ZBTB1: variants seen among roughly 807,000 people sequenced by gnomAD.
The protein encoded by ZBTB1 is zinc finger and BTB domain-containing protein 1.
A neutral mutation model predicts 51.6 loss-of-function variants in ZBTB1; 13 were observed. The observed-to-expected ratio is 0.25, with a 90% CI of 0.16 to 0.40. The LOEUF (loss-of-function observed/expected upper bound fraction) is 0.40. ZBTB1 is among the 10% of genes least tolerant of loss of function. The pLI is 1.00. For missense variants in ZBTB1, 567 were observed against 856.5 expected, an observed-to-expected ratio of 0.66 and a Z score of 4.22; for synonymous variants, 240 against 282.2, an observed-to-expected ratio of 0.85 and a Z score of 1.50.
chr14:64,515,903 A>T (rs1400838337), intron 1 of ZBTB1, among the ~76,000 whole-genome samples: 2 of 151,856 alleles, frequency 1.3e-5, no homozygotes, highest in Non-Finnish European at 1.5e-5. Context: ...CCTGCCGCAT[A>T]CTCCTCTACC....
chr14:64,526,876 T>TA (rs202096669), downstream of ZBTB1, among the ~76,000 whole-genome samples: 529 of 149,278 alleles, frequency 3.5e-3, 2 homozygotes, highest in African/African-American at 0.012. Context: ...ACCCTATCTC[T>TA]AAAAAAAAAA....
chr14:64,532,800 T>A (rs1161815397), exon 3 of ZBTB1: 2 of 144,670 alleles, frequency 1.4e-5, no homozygotes, highest in Non-Finnish European at 3.1e-5. Context: ...AAATCTTTAA[T>A]GGAGAAGTTA....
chr14:64,517,276 A>T (rs1191279951), intron 1 of ZBTB1, among the ~76,000 whole-genome samples: 1 of 152,208 alleles, frequency 6.6e-6, no homozygotes, highest in African/African-American at 2.4e-5. Flanking sequence ...CTTAGGGTCA[A>T]TGAGGATAAG....
At chr14:64,527,067 C>T (rs1297583114), downstream of ZBTB1, among the ~76,000 whole-genome samples, 1 of 151,078 alleles carries the variant, frequency 6.6e-6, no homozygotes, top group Non-Finnish European at 1.5e-5. Context: ...AGAAATGACG[C>T]ACATGGGTTA....
At chr14:64,510,139 G>A (rs1044495888) in intron 1 of ZBTB1, among the ~76,000 whole-genome samples, 1 of 152,092 alleles carries the variant, frequency 6.6e-6, no homozygotes, top group Non-Finnish European at 1.5e-5. Flanking sequence ...CCTTAAAGTT[G>A]CTCACAATCT....
chr14:64,531,398 C>T (rs7152440), intron 2 of ZBTB1, among the ~76,000 whole-genome samples: 69,888 of 151,568 alleles, frequency 0.46, 16,733 homozygotes, highest in East Asian at 0.65. Context: ...TGTGTGTGTG[C>T]GTGTATGCTT....
At chr14:64,513,848 C>CA (rs1484075789) in intron 1 of ZBTB1, among the ~76,000 whole-genome samples, 1 of 152,102 alleles carries the variant, frequency 6.6e-6, no homozygotes, top group African/African-American at 2.4e-5. Flanking sequence ...TTTGTAGAGA[C>CA]AGAGTTTCAC....
intron 1 of ZBTB1, among the ~76,000 whole-genome samples, chr14:64,517,770 TATATATATATA>T (rs1293109858): frequency 1.8e-3 from 133 of 73,418 alleles, no homozygotes; most frequent in African/African-American, 7.5e-3. Flanking sequence ...TATATATATA[TATATATATATA>T]TTTTTTTTTT....
At chr14:64,518,070 C>T (rs1009805637) in intron 1 of ZBTB1, among the ~76,000 whole-genome samples, 1 of 152,046 alleles carries the variant, frequency 6.6e-6, no homozygotes, top group Non-Finnish European at 1.5e-5. Context: ...CTCCTGACCT[C>T]AGGTAATCCG....
At chr14:64,511,917 G>C (rs1218256679) in intron 1 of ZBTB1, among the ~76,000 whole-genome samples, 1 of 152,196 alleles carries the variant, frequency 6.6e-6, no homozygotes, top group Non-Finnish European at 1.5e-5. Context: ...AGTTAGAGTA[G>C]TATGAAGAGC....
At chr14:64,525,826 T>C (rs1566637581), downstream of ZBTB1, among the ~76,000 whole-genome samples, 1 of 152,178 alleles carries the variant, frequency 6.6e-6, no homozygotes, top group Non-Finnish European at 1.5e-5. Flanking sequence ...TTTTATTTAT[T>C]TATTTTTCTT....
chr14:64,527,393 G>A (rs991138232), downstream of ZBTB1, among the ~76,000 whole-genome samples: 8 of 151,890 alleles, frequency 5.3e-5, no homozygotes, highest in African/African-American at 9.7e-5. Flanking sequence ...GGTGGATTGC[G>A]AGGTCAGGAG....
At chr14:64,521,337 A>T in intron 1 of ZBTB1, 150 bp from the exon 2 acceptor site, 1 of 572,952 alleles carries the variant, frequency 1.7e-6, no homozygotes, top group Non-Finnish European at 2.9e-6. Flanking sequence ...AAAATGATTC[A>T]AGTATATATT....
intron 1 of ZBTB1, 35 bp from the exon 2 acceptor site, chr14:64,521,452 A>G: frequency 1.3e-6 from 2 of 1,496,620 alleles, no homozygotes; most frequent in Non-Finnish European, 1.8e-6. Context: ...GCTTTTCTAT[A>G]TCTTGTTTGA....
intron 1 of ZBTB1, among the ~76,000 whole-genome samples, chr14:64,507,546 C>G (rs192414631): frequency 1.3e-5 from 2 of 152,282 alleles, no homozygotes; most frequent in Admixed American, 1.3e-4. Context: ...GCTGTGTGTG[C>G]CTCACTCTGC....
Position 64,524,829 on chromosome 14 carries a change from T to C in ZBTB1, c.*1183T>C, listed in dbSNP as rs879830556. On this transcript the variant is annotated 3_prime_UTR_variant, in exon 2 of 2. Coordinates refer to ENST00000683701, the MANE Select transcript of ZBTB1 (RefSeq NM_001123329.2). The stretch of plus-strand genomic sequence containing the variant: ...ACAGAGTATATCAATGGAAACAGTT[T>C]ATCATTTTTTCAGTTAAAGTAGTAG... 2 of 983,344 alleles carry C rather than the reference T, an allele frequency of 2.0e-6. No individual in the cohort carries two copies. Among genetic ancestry groups the C allele is most frequent in the South Asian group, 9.4e-5 (2 of 21,250 alleles). 60.9% of individuals were successfully genotyped at this position (983,344 alleles called of 1,614,324 possible).
intron 2 of ZBTB1, among the ~76,000 whole-genome samples, chr14:64,531,127 A>G (rs2079939209): frequency 6.6e-6 from 1 of 152,204 alleles, no homozygotes; most frequent in African/African-American, 2.4e-5. Flanking sequence ...TATTCTCCTT[A>G]AACTAACTGC....
At chr14:64,527,074 G>A (rs1223542193), downstream of ZBTB1, among the ~76,000 whole-genome samples, 6 of 151,754 alleles carry the variant, frequency 4.0e-5, no homozygotes, top group Non-Finnish European at 5.9e-5. Context: ...ACGCACATGG[G>A]TTAAATGGTA....
intron 1 of ZBTB1, among the ~76,000 whole-genome samples, chr14:64,516,332 T>C (rs931544751): frequency 6.6e-6 from 1 of 152,248 alleles, no homozygotes; most frequent in Non-Finnish European, 1.5e-5. Context: ...CTGGTACTAA[T>C]GTGTCAATGA....
Sources: allele counts gnomAD v4.1 joint callset (sites outside exome capture counted in the v4.1 genomes callset), GRCh38; gene constraint gnomAD v4.1.1; transcripts MANE v1.5; gene names NCBI Gene and HGNC (gene_info 2026-07-23, HGNC 2026-07-21).